The following CDK14 variants were observed in gnomAD, a reference collection of about 807,000 sequenced individuals.
CDK14 encodes cyclin-dependent kinase 14.
CDK14 carries 34 observed loss-of-function variants against 60.7 expected under a neutral mutation model. That is an observed-to-expected ratio of 0.56 (90% CI 0.43 to 0.75). The LOEUF is 0.75. CDK14 is among the 30% of genes least tolerant of loss of function. The probability of loss-of-function intolerance (pLI) is 0.00; values close to 1 mark genes in which losing one functional copy is unlikely to be tolerated. For synonymous variants in CDK14, 197 were observed against 203.7 expected (o/e 0.97, Z 0.28); for missense variants, 482 against 564.1 (o/e 0.85, Z 1.47).
intron 2 of CDK14, among the ~76,000 whole-genome samples, chr7:90,691,191 A>G (rs911532839): frequency 6.6e-6 from 1 of 152,124 alleles, no homozygotes; most frequent in Non-Finnish European, 1.5e-5. Context: ...GTTGTGGACC[A>G]TGAGGGTACA....
chr7:90,870,964 G>A (rs1791353487), intron 6 of CDK14, among the ~76,000 whole-genome samples: 1 of 152,204 alleles, frequency 6.6e-6, no homozygotes, highest in African/African-American at 2.4e-5. Context: ...CTAGTTGTTA[G>A]GAGATCATTA....
At chr7:91,124,674 G>A (rs544597134) in intron 14 of CDK14, among the ~76,000 whole-genome samples, 180 of 152,020 alleles carry the variant, frequency 1.2e-3, no homozygotes, top group Non-Finnish European at 2.1e-3. Context: ...TGAGGGGCGG[G>A]GGGAATAGCA....
chr7:90,626,577 A>T (rs1799880846), intron 2 of CDK14, among the ~76,000 whole-genome samples: 1 of 152,208 alleles, frequency 6.6e-6, no homozygotes, highest in Admixed American at 6.5e-5. Flanking sequence ...GAGCTTCTCG[A>T]CCAGCACTGT....
intron 10 of CDK14, among the ~76,000 whole-genome samples, chr7:90,984,686 C>T (rs934788134): frequency 5.3e-5 from 8 of 152,086 alleles, no homozygotes; most frequent in Admixed American, 2.0e-4. Flanking sequence ...ACAGTACTTC[C>T]GTCAGGTTTT....
intron 2 of CDK14, among the ~76,000 whole-genome samples, chr7:90,634,585 G>A (rs1158037555): frequency 6.6e-6 from 1 of 151,974 alleles, no homozygotes; most frequent in Non-Finnish European, 1.5e-5. Flanking sequence ...TAGTGCCTCA[G>A]TAAACATACG....
At chr7:90,740,711 A>G (rs970364102) in intron 3 of CDK14, among the ~76,000 whole-genome samples, 1 of 152,250 alleles carries the variant, frequency 6.6e-6, no homozygotes, top group African/African-American at 2.4e-5. Flanking sequence ...CAATCCATAC[A>G]TATGTATAAA....
intron 10 of CDK14, among the ~76,000 whole-genome samples, chr7:90,995,799 T>C (rs896684975): frequency 3.9e-5 from 6 of 152,248 alleles, no homozygotes. Flanking sequence ...TTAGAGTTAT[T>C]TGTTGAATGC....
intron 6 of CDK14, among the ~76,000 whole-genome samples, chr7:90,890,607 A>G (rs1381095871): frequency 6.6e-6 from 1 of 152,248 alleles, no homozygotes; most frequent in Non-Finnish European, 1.5e-5. Context: ...TGAAGTAGAT[A>G]AGTACTGTAA....
rs111417519 is a variant in CDK14 at position 90,882,168 on chromosome 7, C to T, written c.640-17123C>T. Among the ~76,000 whole-genome samples the T allele has an allele frequency of 3.5e-3, 529 of 149,690 alleles. 6 individuals carry two copies. Among genetic ancestry groups the T allele is most frequent in the African/African-American group, 0.012 (494 of 40,680 alleles). ...AATTGGATAAGGAATCAAGATCCAT[C>T]AGTGTGCTGTATTTAGGAGACCCAT... On this transcript the variant is annotated intron_variant, in intron 6 of 14. Coordinates refer to ENST00000380050, the MANE Select transcript of CDK14 (RefSeq NM_001287135.2).
chr7:90,667,166 G>A (rs996877161), intron 2 of CDK14, among the ~76,000 whole-genome samples: 4 of 152,088 alleles, frequency 2.6e-5, no homozygotes, highest in Admixed American at 1.3e-4. Flanking sequence ...CACTCTTATA[G>A]TCATCATTGT....
At chr7:90,928,478 T>G (rs1793491758) in intron 8 of CDK14, among the ~76,000 whole-genome samples, 1 of 152,210 alleles carries the variant, frequency 6.6e-6, no homozygotes, top group Non-Finnish European at 1.5e-5. Context: ...TGGAGTTTGC[T>G]GGAGGTCCAC....
At chr7:90,702,061 T>C (rs1801797462) in intron 2 of CDK14, among the ~76,000 whole-genome samples, 1 of 152,156 alleles carries the variant, frequency 6.6e-6, no homozygotes. Flanking sequence ...GGATTCCTTG[T>C]CTGTTCCTGG....
intron 9 of CDK14, among the ~76,000 whole-genome samples, chr7:90,969,269 C>G (rs1442693581): frequency 6.6e-6 from 1 of 152,126 alleles, no homozygotes; most frequent in Admixed American, 6.6e-5. Context: ...AGCATTCTTA[C>G]CCATAGTCCA....
chr7:90,863,668 A>ATGTG lies in CDK14; in HGVS notation c.639+400_639+401insGTGT, dbSNP rs549142223. 3.2e-3 allele frequency among the ~76,000 whole-genome samples: 156 copies of ATGTG among 48,896 alleles called. 1 individual carries two copies. Among genetic ancestry groups the ATGTG allele is most frequent in the African/African-American group, 0.01 (148 of 14,280 alleles). The allele number at this position is 48,896 out of a possible 152,430, so 32.1% of individuals were successfully genotyped here. A position where few individuals can be genotyped will look rare whatever the true frequency, so the allele number is the denominator to read the frequency against. On this transcript the variant is annotated intron_variant, in intron 6 of 14. Transcript: ENST00000380050. ...GTTTCTCAAAAGCATGCTTATTAAG[A>ATGTG]TATGTGTGTGTGTGTGTGTGTGTGT...
intron 12 of CDK14, among the ~76,000 whole-genome samples, chr7:91,085,015 G>T (rs1798595716): frequency 6.6e-6 from 1 of 152,230 alleles, no homozygotes; most frequent in Non-Finnish European, 1.5e-5. Flanking sequence ...GATTCTAGAA[G>T]CATAAACTGT....
chr7:90,958,958 C>T (rs1436374149), intron 9 of CDK14, among the ~76,000 whole-genome samples: 1 of 152,102 alleles, frequency 6.6e-6, no homozygotes, highest in Non-Finnish European at 1.5e-5. Context: ...ACCAAATGGA[C>T]TGTGACATAA....
chr7:90,618,177 A>C (rs1799691506), intron 2 of CDK14, among the ~76,000 whole-genome samples: 1 of 152,188 alleles, frequency 6.6e-6, no homozygotes, highest in South Asian at 2.1e-4. Context: ...GTGAAGATTA[A>C]AAATATGGAG....
At chr7:90,975,291 C>T (rs1795035444) in intron 9 of CDK14, among the ~76,000 whole-genome samples, 1 of 151,854 alleles carries the variant, frequency 6.6e-6, no homozygotes, top group African/African-American at 2.4e-5. Flanking sequence ...ATTCCTTTGC[C>T]ATAGAGTATA....
At chr7:90,707,866 A>G (rs752325568) in intron 2 of CDK14, among the ~76,000 whole-genome samples, 2 of 152,200 alleles carry the variant, frequency 1.3e-5, no homozygotes, top group Non-Finnish European at 2.9e-5. Flanking sequence ...ATTTCAGTGT[A>G]TTATAATCAC....
Sources: allele counts gnomAD v4.1 joint callset (sites outside exome capture counted in the v4.1 genomes callset), GRCh38; gene constraint gnomAD v4.1.1; transcripts MANE v1.5; gene names NCBI Gene and HGNC (gene_info 2026-07-23, HGNC 2026-07-21).